The following PRDM11 variants were observed in gnomAD, a reference collection of about 807,000 sequenced individuals.
PRDM11 encodes the protein PR/SET domain 11.
A neutral mutation model predicts 97.8 loss-of-function variants in PRDM11; 20 were observed. That is an observed-to-expected ratio of 0.20 (90% confidence interval 0.14 to 0.30). The LOEUF is 0.30. Ranked by LOEUF, PRDM11 falls within the 10% of genes least tolerant of loss-of-function variation. The pLI, the probability that PRDM11 is intolerant of heterozygous loss-of-function variation, is 1.00. For synonymous variants in PRDM11, 599 were observed against 637.7 expected (o/e 0.94, Z 0.91); for missense variants, 1,139 against 1,555.2 (o/e 0.73, Z 4.50).
At chr11:45,105,428 T>C (rs1852044696) in intron 1 of PRDM11, among the ~76,000 whole-genome samples, 1 of 152,216 alleles carries the variant, frequency 6.6e-6, no homozygotes, top group South Asian at 2.1e-4. Flanking sequence ...GGGAAAGGGC[T>C]TGTCTGAGGC....
chr11:45,187,538 A>G (rs1043350904), intron 4 of PRDM11, among the ~76,000 whole-genome samples: 1 of 152,188 alleles, frequency 6.6e-6, no homozygotes, highest in African/African-American at 2.4e-5. Context: ...CTGGTTCTAG[A>G]CTAGCTCCAC....
intron 1 of PRDM11, among the ~76,000 whole-genome samples, chr11:45,166,847 C>T (rs1852077076): frequency 6.6e-6 from 1 of 152,230 alleles, no homozygotes; most frequent in Non-Finnish European, 1.5e-5. Context: ...CCTCCACTTG[C>T]TGGATCAGCC....
intron 1 of PRDM11, among the ~76,000 whole-genome samples, chr11:45,133,730 C>T (rs866042962): frequency 6.6e-6 from 1 of 152,164 alleles, no homozygotes; most frequent in Non-Finnish European, 1.5e-5. Context: ...AGATCCCCAA[C>T]GGGCACATAG....
At chr11:45,110,124 A>C (rs914750043) in intron 1 of PRDM11, among the ~76,000 whole-genome samples, 3 of 152,150 alleles carry the variant, frequency 2.0e-5, no homozygotes, top group Non-Finnish European at 2.9e-5. Context: ...GCGTGCAAAC[A>C]CCCCTGGGAG....
intron 1 of PRDM11, among the ~76,000 whole-genome samples, chr11:45,174,009 A>G (rs1338937494): frequency 1.3e-5 from 2 of 152,248 alleles, no homozygotes; most frequent in Non-Finnish European, 2.9e-5. Context: ...GAACATGGCC[A>G]GAATCTTAGA....
rs374111107 is a variant in PRDM11 at position 45,223,254 on chromosome 11, G to A, written c.743-963G>A. 6.6e-5 allele frequency among the ~76,000 whole-genome samples: 10 copies of A among 152,254 alleles called. No homozygotes were observed. In the East Asian group the frequency reaches 1.6e-3, roughly 24 times the overall value. On this transcript the variant is annotated intron_variant, in intron 6 of 7. Transcript: ENST00000683152. ...CTTGAGCCTGGAAGGTGGAGGCTGC[G>A]TGAGCACCACTGCACTTCAGCCTGG...
chr11:45,155,517 C>G (rs1565271678), intron 1 of PRDM11, among the ~76,000 whole-genome samples: 1 of 152,104 alleles, frequency 6.6e-6, no homozygotes. Flanking sequence ...TGTTCCAACC[C>G]AAACAGAGTG....
intron 5 of PRDM11, among the ~76,000 whole-genome samples, chr11:45,210,684 T>G (rs1853698609): frequency 6.6e-6 from 1 of 152,220 alleles, no homozygotes; most frequent in Admixed American, 6.5e-5. Flanking sequence ...AGGTGGCAGT[T>G]CACAGAGTCA....
intron 1 of PRDM11, among the ~76,000 whole-genome samples, chr11:45,180,854 C>T (rs1362865779): frequency 6.6e-6 from 1 of 151,720 alleles, no homozygotes; most frequent in African/African-American, 2.4e-5. Flanking sequence ...CTCCCCTTCC[C>T]CACCGCGCGC....
At chr11:45,152,999 G>C (rs1378875819) in intron 1 of PRDM11, among the ~76,000 whole-genome samples, 1 of 152,222 alleles carries the variant, frequency 6.6e-6, no homozygotes, top group Admixed American at 6.5e-5. Flanking sequence ...AAGGCTGGAG[G>C]CAGGGAGGCC....
At chr11:45,164,360 C>T (rs1407218835) in intron 1 of PRDM11, among the ~76,000 whole-genome samples, 1 of 152,260 alleles carries the variant, frequency 6.6e-6, no homozygotes, top group Non-Finnish European at 1.5e-5. Flanking sequence ...CCAGCCTGAG[C>T]TGTCAGTGCG....
chr11:45,192,782 A>G (rs1231203182), intron 4 of PRDM11, among the ~76,000 whole-genome samples: 1 of 152,234 alleles, frequency 6.6e-6, no homozygotes, highest in Non-Finnish European at 1.5e-5. Context: ...TGGTAAACAC[A>G]AAGTGTCTTG....
chr11:45,129,326 AG>A (rs1361715339), intron 1 of PRDM11, among the ~76,000 whole-genome samples: 5 of 152,178 alleles, frequency 3.3e-5, no homozygotes, highest in Non-Finnish European at 7.4e-5. Context: ...AAAATTGAAA[AG>A]TATGAGACTT....
At chr11:45,195,718 T>C (rs867621303) in intron 4 of PRDM11, among the ~76,000 whole-genome samples, 1 of 151,954 alleles carries the variant, frequency 6.6e-6, no homozygotes, top group Middle Eastern at 3.2e-3. Context: ...GGATTACAGG[T>C]GTACACCACT....
chr11:45,114,541 A>G (rs1414115880), intron 1 of PRDM11, among the ~76,000 whole-genome samples: 1 of 152,152 alleles, frequency 6.6e-6, no homozygotes, highest in Non-Finnish European at 1.5e-5. Context: ...ACTGTCCCAA[A>G]CTTGGTGAAA....
rs1349631393 is a variant in PRDM11 at position 45,183,108 on chromosome 11, C to A, written c.471C>A (p.Gly157=). 1.2e-6 allele frequency: 2 copies of A among 1,612,892 alleles called. No individual in the cohort carries two copies. The highest frequency in any genetic ancestry group is 1.7e-6 in the Non-Finnish European group (2 of 1,179,486). ...TCTCCACCCAGGACAAATCAGCTGG[C>A]TTCTTCTCCTGGCTGGTGAGTGTGC... ...GQISTQDKSA[G]FFSWLIVDKN... Residue 157 remains glycine (G), a synonymous_variant, in exon 4 of 8, where the codon GGC becomes GGA. Transcript: ENST00000683152.
intron 1 of PRDM11, chr11:45,095,999 C>T (rs930165593): frequency 1.4e-6 from 1 of 712,338 alleles, no homozygotes; most frequent in African/African-American, 1.7e-5. Context: ...TTTATTCAGG[C>T]CCCTGCTTGT....
chr11:45,165,463 G>A (rs917412581), intron 1 of PRDM11, among the ~76,000 whole-genome samples: 2 of 152,242 alleles, frequency 1.3e-5, no homozygotes, highest in African/African-American at 2.4e-5. Flanking sequence ...GGGTTCTCAG[G>A]GGGTGGCATC....
chr11:45,119,710 A>G (rs1852388299), intron 1 of PRDM11, among the ~76,000 whole-genome samples: 1 of 151,844 alleles, frequency 6.6e-6, no homozygotes, highest in Non-Finnish European at 1.5e-5. Context: ...GAGTCTTACT[A>G]ATACTGTAAT....
Sources: allele counts gnomAD v4.1 joint callset (sites outside exome capture counted in the v4.1 genomes callset), GRCh38; gene constraint gnomAD v4.1.1; transcripts MANE v1.5; gene names NCBI Gene and HGNC (gene_info 2026-07-23, HGNC 2026-07-21).